Variants in PIWIL3 observed in about 807,000 individuals in gnomAD.
PIWIL3 encodes the protein piwi like RNA-mediated gene silencing 3.
PIWIL3 carries 101 observed loss-of-function variants against 109.7 expected under a neutral mutation model. That is an observed-to-expected ratio of 0.92 (90% CI 0.78 to 1.09). The LOEUF is 1.09. PIWIL3 is among the 50% of genes least tolerant of loss of function. The pLI, the probability that PIWIL3 is intolerant of heterozygous loss-of-function variation, is 0.00. For missense variants in PIWIL3, 1,031 were observed against 1,072.6 expected, an observed-to-expected ratio of 0.96 and a Z score of 0.54; for synonymous variants, 373 against 376.4, an observed-to-expected ratio of 0.99 and a Z score of 0.10.
intron 12 of PIWIL3, among the ~76,000 whole-genome samples, chr22:24,740,234 A>AAAAAAAAAAAAAAG: frequency 6.7e-6 from 1 of 149,406 alleles, no homozygotes; most frequent in Non-Finnish European, 1.5e-5. Flanking sequence ...AAAAAAAAAA[A>AAAAAAAAAAAAAAG]TTTCTAAAAG....
chr22:24,767,297 A>C (rs896950223), intron 1 of PIWIL3, among the ~76,000 whole-genome samples: 2 of 152,092 alleles, frequency 1.3e-5, no homozygotes, highest in Non-Finnish European at 2.9e-5. Flanking sequence ...GCACTTTGGG[A>C]GGCTGAGGTG....
intron 6 of PIWIL3, among the ~76,000 whole-genome samples, chr22:24,755,420 G>T (rs1924963119): frequency 6.6e-6 from 1 of 152,216 alleles, no homozygotes; most frequent in Non-Finnish European, 1.5e-5. Context: ...ACCACGCCCG[G>T]CCTCAAACTC....
chr22:24,767,844 TCA>T (rs1171199284), intron 1 of PIWIL3, among the ~76,000 whole-genome samples: 1 of 152,136 alleles, frequency 6.6e-6, no homozygotes, highest in Non-Finnish European at 1.5e-5. Flanking sequence ...TTGCCCAAGG[TCA>T]CACAGTCAGC....
chr22:24,755,751 G>C, intron 6 of PIWIL3, 33 bp downstream of exon 6: 1 of 1,612,286 alleles, frequency 6.2e-7, no homozygotes, highest in Non-Finnish European at 8.5e-7. Flanking sequence ...ACAACCGAAT[G>C]AGTATCAAAG....
intron 9 of PIWIL3, 39 bp from the exon 10 acceptor site, chr22:24,749,858 A>G: frequency 6.2e-7 from 1 of 1,613,914 alleles, no homozygotes; most frequent in Non-Finnish European, 8.5e-7. Context: ...CCATCAGTGA[A>G]ACCTTAGAAA....
intron 12 of PIWIL3, among the ~76,000 whole-genome samples, chr22:24,744,348 G>GA (rs1924226535): frequency 6.6e-6 from 1 of 151,992 alleles, no homozygotes; most frequent in Non-Finnish European, 1.5e-5. Context: ...CGAGGCAGGT[G>GA]AATCACAAGG....
rs1478779930 is a variant in PIWIL3, at chr22:24,749,693, CTGTCA to C, written c.1211_1215del (p.Met404ArgfsTer5). 1.4e-5 allele frequency: 22 copies of C among 1,614,028 alleles called. No individual in the cohort carries two copies. The highest frequency in any genetic ancestry group is 1.9e-5 in the Non-Finnish European group (22 of 1,180,030). ...AAGAGGGGCTGTAATCCATCAGTAC[CTGTCA>C]TGTGGCACAGCTGAGGAATCAGCAG... On this transcript the variant is annotated frameshift_variant and splice_region_variant, in exon 10 of 21. Transcript: ENST00000616349. LOFTEE classifies it high-confidence loss of function.
intron 6 of PIWIL3, 69 bp from the exon 7 acceptor site, chr22:24,754,933 A>G: frequency 1.5e-6 from 2 of 1,326,696 alleles, no homozygotes; most frequent in East Asian, 2.3e-5. Context: ...TAAGACACAT[A>G]AGGGAAAAAA....
rs1307147688 is a variant in PIWIL3 at position 24,757,669 on chromosome 22, C to CACATATATATAAAATATGTATATATT, written c.355+238_355+239insAATATATACATATTTTATATATATGT. On this transcript the variant is annotated intron_variant, in intron 4 of 20. Coordinates refer to ENST00000616349, the MANE Select transcript of PIWIL3 (RefSeq NM_001255975.1). Reference sequence around the variant, plus strand: ...AAAATATGTATATATTACACACACACACACACACACACACACACACACACA... The same window carrying CACATATATATAAAATATGTATATATT: ...AAAATATGTATATATTACACACACACACATATATATAAAATATGTATATATTACACACACACACACACACACACACA... Among the ~76,000 whole-genome samples, 226 of 122,828 alleles carry CACATATATATAAAATATGTATATATT rather than the reference C, an allele frequency of 1.8e-3. 2 individuals are homozygous for CACATATATATAAAATATGTATATATT. Among genetic ancestry groups the CACATATATATAAAATATGTATATATT allele is most frequent in the African/African-American group, 7.2e-3 (208 of 28,816 alleles). The allele number at this position is 122,828 out of a possible 152,430, so 80.6% of individuals were successfully genotyped here.
At chr22:24,743,962 T>C (rs750036847) in intron 12 of PIWIL3, among the ~76,000 whole-genome samples, 1 of 151,872 alleles carries the variant, frequency 6.6e-6, no homozygotes, top group Non-Finnish European at 1.5e-5. Flanking sequence ...GCAAACCTTA[T>C]GGTAACTTCA....
intron 12 of PIWIL3, among the ~76,000 whole-genome samples, chr22:24,738,814 A>G (rs1352834871): frequency 6.6e-6 from 1 of 151,894 alleles, no homozygotes; most frequent in Non-Finnish European, 1.5e-5. Context: ...ATGCCCAAAC[A>G]CTCATCAACT....
intron 18 of PIWIL3, among the ~76,000 whole-genome samples, chr22:24,724,166 C>G (rs532611758): frequency 1.3e-5 from 2 of 152,168 alleles, no homozygotes; most frequent in Non-Finnish European, 1.5e-5. Flanking sequence ...GGCGCTCCCC[C>G]ACCCATCCAC....
intron 14 of PIWIL3, among the ~76,000 whole-genome samples, chr22:24,729,933 C>CTTTTTTTTTT (rs77524370): frequency 7.9e-6 from 1 of 125,904 alleles, no homozygotes. Context: ...TCTACTTTTT[C>CTTTTTTTTTT]TTTTTTTTTT....
intron 14 of PIWIL3, among the ~76,000 whole-genome samples, chr22:24,729,635 T>C (rs1923215584): frequency 6.6e-6 from 1 of 152,248 alleles, no homozygotes; most frequent in Non-Finnish European, 1.5e-5. Flanking sequence ...TATTAAGTTA[T>C]TTTTAACACG....
At chr22:24,740,918 G>T (rs1923968284) in intron 12 of PIWIL3, among the ~76,000 whole-genome samples, 1 of 152,162 alleles carries the variant, frequency 6.6e-6, no homozygotes, top group Non-Finnish European at 1.5e-5. Flanking sequence ...TATGAAGCCA[G>T]TATCACCCTA....
rs150288142 is a variant in PIWIL3 at position 24,719,492 on chromosome 22, T to C, written c.2602A>G (p.Thr868Ala). 4 of 1,591,120 alleles carry C rather than the reference T, an allele frequency of 2.5e-6. No homozygotes were observed. The highest frequency in any genetic ancestry group is 3.4e-6 in the Non-Finnish European group (4 of 1,171,680). ...GCAGGTCAAAGGTAAAAGAGACGAG[T>C]TGACAAGGAACGATTCGGTTCCTGG... is the stretch of plus-strand genomic sequence containing the variant. Reference protein sequence around the residue: ...IHQEPNRSLSTRLFYL With the variant: ...IHQEPNRSLSARLFYL The change falls in exon 21 of 21, where the codon ACT becomes GCT. Residue 868 changes from threonine to alanine, a missense_variant. Physicochemically the swap from Thr to Ala is moderately conservative, Grantham distance 58 (BLOSUM62 0). Transcript: ENST00000616349.
chr22:24,734,544 C>T (rs1923543639), intron 13 of PIWIL3, among the ~76,000 whole-genome samples: 1 of 152,188 alleles, frequency 6.6e-6, no homozygotes, highest in South Asian at 2.1e-4. Flanking sequence ...GTTCCTGGGT[C>T]AGACCACCTG....
In PIWIL3 at chr22:24,728,259, AC is replaced by A. The variant is rs753556750; in HGVS notation, c.1822del (p.Val608SerfsTer14). On this transcript the variant is annotated frameshift_variant, in exon 15 of 21. Transcript: ENST00000616349. LOFTEE classifies it high-confidence loss of function. ...CTTGGTGACGATGGTCCTTGCCTGGACTTTTTCTAAGGTCTTTTTCACCACA... is the reference window on the plus strand; with the variant it reads ...CTTGGTGACGATGGTCCTTGCCTGGATTTTTCTAAGGTCTTTTTCACCACA... The part of the protein sequence containing the change: ...QCVVKKTLEK[V>X]QARTIVTKIA... 2 of 1,614,174 alleles carry A rather than the reference AC, an allele frequency of 1.2e-6. No homozygotes were observed. Among genetic ancestry groups the A allele is most frequent in the East Asian group, 4.5e-5 (2 of 44,882 alleles).
At chr22:24,740,960 A>G (rs1333914459) in intron 12 of PIWIL3, among the ~76,000 whole-genome samples, 2 of 152,198 alleles carry the variant, frequency 1.3e-5, no homozygotes, top group African/African-American at 4.8e-5. Flanking sequence ...AAAACAAAAG[A>G]AAACTATATA....
Sources: allele counts gnomAD v4.1 joint callset (sites outside exome capture counted in the v4.1 genomes callset), GRCh38; gene constraint gnomAD v4.1.1; transcripts MANE v1.5; gene names NCBI Gene and HGNC (gene_info 2026-07-23, HGNC 2026-07-21).